The following DMD variants were observed in gnomAD, a reference collection of about 807,000 sequenced individuals.
The protein encoded by DMD is mutant dystrophin.
DMD carries 63 observed loss-of-function variants against 330.1 expected under a neutral mutation model. The ratio of observed to expected loss-of-function variants is 0.19; its 90% CI spans 0.16 to 0.24. DMD has a LOEUF of 0.24. Ranked by LOEUF, DMD falls within the 10% of genes least tolerant of loss-of-function variation. The pLI is 1.00. For missense variants in DMD, 3,344 were observed against 2,684.1 expected, an observed-to-expected ratio of 1.25 and a Z score of -5.43; for synonymous variants, 1,223 against 959.8, an observed-to-expected ratio of 1.27 and a Z score of -5.07.
rs1386571829 is a variant in DMD at position 32,468,703 on chromosome X, T to A, written c.2957A>T (p.Gln986Leu). The A allele has an allele frequency of 8.3e-7, 1 of 1,209,176 alleles. No individual in the cohort carries two copies. Among genetic ancestry groups the A allele is most frequent in the East Asian group, 3.0e-5 (1 of 33,762 alleles). Residue 986 changes from glutamine (Q) to leucine (L), a missense_variant, in exon 23 of 79, where the codon CAA (glutamine) becomes CTA (leucine). Transcript: ENST00000357033. ...EQRLGELQAL[Q>L]SSLQEQQSGL... ...ACTTTGTTGCTCTTGCAGAGAACTT[T>A]GTAAAGCCTAAAAAACAATTTTTTA...
At chrX:32,773,262 G>A (rs760989598) in intron 7 of DMD, among the ~76,000 whole-genome samples, 48 of 111,024 alleles carry the variant, frequency 4.3e-4, no homozygotes, top group African/African-American at 1.4e-3. Context: ...GTTCATTTTC[G>A]TTAATTATTT....
intron 44 of DMD, among the ~76,000 whole-genome samples, chrX:31,968,729 C>T (rs191755508): frequency 1.9e-4 from 21 of 111,656 alleles, no homozygotes; most frequent in African/African-American, 5.8e-4. Flanking sequence ...AGCACCCTCT[C>T]GGTTAGCTCC....
At chrX:31,937,491 A>G (rs1179318237) in intron 45 of DMD, among the ~76,000 whole-genome samples, 1 of 111,576 alleles carries the variant, frequency 9.0e-6, no homozygotes, top group South Asian at 3.7e-4. Flanking sequence ...TTTGGTAGTC[A>G]TTTCTTATCT....
chrX:32,819,286 T>A (rs1243083723), intron 5 of DMD, among the ~76,000 whole-genome samples: 2 of 110,913 alleles, frequency 1.8e-5, no homozygotes, highest in African/African-American at 6.6e-5. Flanking sequence ...TCTCCTGTAA[T>A]TGCAAATTGT....
chrX:32,795,823 A>G (rs752649238), intron 7 of DMD, among the ~76,000 whole-genome samples: 1 of 111,967 alleles, frequency 8.9e-6, no homozygotes, highest in Non-Finnish European at 1.9e-5. Flanking sequence ...TCTCAAAAGA[A>G]GACAAATGAC....
At chrX:31,849,181 G>T (rs998634714) in intron 48 of DMD, among the ~76,000 whole-genome samples, 1 of 108,790 alleles carries the variant, frequency 9.2e-6, no homozygotes, top group Non-Finnish European at 1.9e-5. Flanking sequence ...ACATTATAAG[G>T]AGGACATAAA....
intron 34 of DMD, among the ~76,000 whole-genome samples, chrX:32,369,200 A>T (rs1244905155): frequency 3.6e-5 from 4 of 111,826 alleles, no homozygotes; most frequent in Non-Finnish European, 7.5e-5. Context: ...ACTAAGCACT[A>T]ACTTCCATGA....
chrX:33,070,213 G>A (rs183321032), intron 1 of DMD, among the ~76,000 whole-genome samples: 167 of 111,816 alleles, frequency 1.5e-3, no homozygotes, highest in African/African-American at 3.8e-3. Flanking sequence ...ATATGTTTAA[G>A]TGTATTTTTT....
intron 3 of DMD, among the ~76,000 whole-genome samples, chrX:32,845,627 G>A (rs906387980): frequency 3.6e-5 from 4 of 110,641 alleles, no homozygotes; most frequent in African/African-American, 9.9e-5. Context: ...CAACAATGAC[G>A]TTCCTGAAGT....
At chrX:32,999,781 C>CA (rs1437477637) in intron 2 of DMD, among the ~76,000 whole-genome samples, 2 of 100,756 alleles carry the variant, frequency 2.0e-5, no homozygotes, top group Non-Finnish European at 2.0e-5. Flanking sequence ...ATCTCAAAAA[C>CA]AAAAACAAAA....
intron 4 of DMD, among the ~76,000 whole-genome samples, chrX:32,839,758 C>A (rs1040308662): frequency 9.1e-6 from 1 of 109,478 alleles, no homozygotes; most frequent in Admixed American, 9.8e-5. Context: ...TGTGGCCAGG[C>A]TGGAGTGCAG....
intron 2 of DMD, among the ~76,000 whole-genome samples, chrX:32,936,362 C>T (rs191811241): frequency 2.1e-3 from 234 of 111,909 alleles, no homozygotes; most frequent in Non-Finnish European, 3.3e-3. Flanking sequence ...CTGCCTGCCT[C>T]GGCCTCCCAA....
intron 55 of DMD, among the ~76,000 whole-genome samples, chrX:31,564,309 C>G (rs1439585883): frequency 1.8e-5 from 2 of 111,727 alleles, no homozygotes; most frequent in African/African-American, 6.5e-5. Flanking sequence ...AGGAAAATGT[C>G]CAAGAAACAT....
intron 29 of DMD, among the ~76,000 whole-genome samples, chrX:32,419,452 C>A (rs1307378587): frequency 8.9e-6 from 1 of 112,013 alleles, no homozygotes; most frequent in Non-Finnish European, 1.9e-5. Context: ...TTGTGAGGGG[C>A]TTTGGTACAG....
At chrX:32,674,265 A>T (rs1176550672) in intron 9 of DMD, among the ~76,000 whole-genome samples, 1 of 111,704 alleles carries the variant, frequency 9.0e-6, no homozygotes, top group East Asian at 2.8e-4. Context: ...ACTTAGTCAT[A>T]GTCCACTGGA....
intron 53 of DMD, among the ~76,000 whole-genome samples, chrX:31,659,465 A>C (rs59260859): frequency 9.2e-6 from 1 of 108,144 alleles, no homozygotes; most frequent in Admixed American, 9.9e-5. Context: ...ATGGTGAAAC[A>C]CCGTCTCTAC....
chrX:31,142,754 C>A (rs2036224722), intron 76 of DMD, among the ~76,000 whole-genome samples: 1 of 112,103 alleles, frequency 8.9e-6, no homozygotes, highest in Admixed American at 9.4e-5. Flanking sequence ...CCATGAGAGC[C>A]AATAGGGGAT....
At chrX:33,161,554 A>G (rs1164531508) in intron 1 of DMD, among the ~76,000 whole-genome samples, 1 of 111,492 alleles carries the variant, frequency 9.0e-6, no homozygotes, top group Non-Finnish European at 1.9e-5. Flanking sequence ...GTGACTAATG[A>G]GTGACAACCA....
chrX:33,050,335 G>A (rs1181916888), intron 1 of DMD, among the ~76,000 whole-genome samples: 1 of 111,731 alleles, frequency 9.0e-6, no homozygotes, highest in Non-Finnish European at 1.9e-5. Flanking sequence ...GAATTAAAAG[G>A]TCTTAAGTGC....
Sources: gnomAD v4.1 joint callset for allele counts (sites outside exome capture counted in the v4.1 genomes callset) on GRCh38, gnomAD v4.1.1 for gene constraint, MANE v1.5 for transcripts, NCBI Gene and HGNC (gene_info 2026-07-23, HGNC 2026-07-21) for gene names.